NLGN1: variants seen among roughly 807,000 people sequenced by gnomAD.
NLGN1 encodes neuroligin-1.
In NLGN1, 12 loss-of-function variants were observed where a neutral mutation model predicts 65.5. The observed-to-expected ratio is 0.18, with a 90% confidence interval of 0.12 to 0.30. NLGN1 has a LOEUF of 0.30. NLGN1 is among the 10% of genes least tolerant of loss of function. The pLI, the probability that NLGN1 is intolerant of heterozygous loss-of-function variation, is 1.00. For synonymous variants in NLGN1, 350 were observed against 359.5 expected, an observed-to-expected ratio of 0.97 and a Z score of 0.30; for missense variants, 750 against 1,007.1, an observed-to-expected ratio of 0.74 and a Z score of 3.46.
At chr3:173,458,912 T>C (rs1465088191) in intron 2 of NLGN1, among the ~76,000 whole-genome samples, 1 of 152,018 alleles carries the variant, frequency 6.6e-6, no homozygotes, top group African/African-American at 2.4e-5. Flanking sequence ...CTATTTCACA[T>C]TTCACTAAGG....
intron 4 of NLGN1, among the ~76,000 whole-genome samples, chr3:173,911,561 G>C (rs1739605415): frequency 1.3e-5 from 2 of 152,134 alleles, no homozygotes; most frequent in South Asian, 4.1e-4. Flanking sequence ...GACACCTTCT[G>C]GGGCATGTAG....
At chr3:173,924,376 C>T (rs1742624293) in intron 4 of NLGN1, among the ~76,000 whole-genome samples, 2 of 151,712 alleles carry the variant, frequency 1.3e-5, no homozygotes. Context: ...AAATAAAAGT[C>T]CAAAGACAGA....
intron 2 of NLGN1, among the ~76,000 whole-genome samples, chr3:173,539,480 T>C (rs998042189): frequency 6.9e-6 from 1 of 145,074 alleles, no homozygotes; most frequent in Non-Finnish European, 1.5e-5. Flanking sequence ...TATACGCATA[T>C]GCATGTATAT....
At chr3:174,030,125 T>A (rs1729664705) in intron 4 of NLGN1, among the ~76,000 whole-genome samples, 1 of 93,464 alleles carries the variant, frequency 1.1e-5, no homozygotes, top group African/African-American at 4.8e-5. Context: ...AAGTTAGCTT[T>A]TTTTTTTTTT....
chr3:174,122,912 G>T (rs1023652743), intron 4 of NLGN1, among the ~76,000 whole-genome samples: 9 of 151,696 alleles, frequency 5.9e-5, no homozygotes, highest in African/African-American at 2.2e-4. Flanking sequence ...AAAATAAAAT[G>T]TAATAATAAA....
intron 3 of NLGN1, among the ~76,000 whole-genome samples, chr3:173,671,087 T>G (rs1762383092): frequency 6.6e-6 from 1 of 152,202 alleles, no homozygotes; most frequent in Non-Finnish European, 1.5e-5. Context: ...TATATACTAT[T>G]CACTCTTAAA....
chr3:173,938,114 G>A (rs114725244), intron 4 of NLGN1, among the ~76,000 whole-genome samples: 166 of 152,174 alleles, frequency 1.1e-3, no homozygotes, highest in African/African-American at 3.9e-3. Context: ...TTTCTTCAAG[G>A]AGCTCACTTT....
intron 3 of NLGN1, among the ~76,000 whole-genome samples, chr3:173,741,313 C>A (rs949928602): frequency 3.3e-5 from 5 of 151,998 alleles, no homozygotes; most frequent in African/African-American, 1.2e-4. Flanking sequence ...CCAGGGCCAT[C>A]ATAGAAAAAT....
intron 2 of NLGN1, among the ~76,000 whole-genome samples, chr3:173,464,663 G>A (rs1271710316): frequency 6.6e-6 from 1 of 152,062 alleles, no homozygotes; most frequent in African/African-American, 2.4e-5. Flanking sequence ...TCGAACTCCC[G>A]ACCTTAGGTG....
At chr3:173,788,833 TAAAAAAAAAA>T (rs3979635) in intron 3 of NLGN1, among the ~76,000 whole-genome samples, 6 of 53,488 alleles carry the variant, frequency 1.1e-4, no homozygotes, top group African/African-American at 3.4e-4. Flanking sequence ...AGACCTCATT[TAAAAAAAAAA>T]AAAAAAAAAA....
At chr3:174,076,679 TAGAG>T (rs3979619) in intron 4 of NLGN1, among the ~76,000 whole-genome samples, 8,847 of 92,186 alleles carry the variant, frequency 0.096, 288 homozygotes, top group East Asian at 0.16. Context: ...TCTGGGACCA[TAGAG>T]AGAGAGAGAG....
At chr3:174,194,863 T>TC (rs1733112886) in intron 4 of NLGN1, among the ~76,000 whole-genome samples, 1 of 39,076 alleles carries the variant, frequency 2.6e-5, no homozygotes, top group Non-Finnish European at 7.6e-5. Context: ...TTCTTTTTTC[T>TC]TTTTTCTTTT....
chr3:173,646,427 T>C (rs755438626), intron 3 of NLGN1, among the ~76,000 whole-genome samples: 1 of 152,210 alleles, frequency 6.6e-6, no homozygotes, highest in Non-Finnish European at 1.5e-5. Context: ...TATAGTCCTG[T>C]GTGTGTGTCA....
chr3:173,923,895 C>T (rs552074398), intron 4 of NLGN1, among the ~76,000 whole-genome samples: 2 of 152,030 alleles, frequency 1.3e-5, no homozygotes, highest in Non-Finnish European at 2.9e-5. Context: ...TGGCATATAA[C>T]TTGGAAAAAG....
At chr3:173,435,461 C>T (rs897656193) in intron 2 of NLGN1, among the ~76,000 whole-genome samples, 10 of 152,044 alleles carry the variant, frequency 6.6e-5, no homozygotes, top group Non-Finnish European at 1.0e-4. Context: ...TATACATACA[C>T]ACACATATAT....
intron 2 of NLGN1, among the ~76,000 whole-genome samples, chr3:173,448,640 C>G (rs1720854696): frequency 6.6e-6 from 1 of 152,156 alleles, no homozygotes. Context: ...AGGAATGGTA[C>G]CAGCTCCTCT....
chr3:174,069,974 G>T (rs536276792), intron 4 of NLGN1, among the ~76,000 whole-genome samples: 1 of 152,162 alleles, frequency 6.6e-6, no homozygotes, highest in South Asian at 2.1e-4. Flanking sequence ...TAGTTTGATT[G>T]TAAGGATTAA....
intron 4 of NLGN1, among the ~76,000 whole-genome samples, chr3:174,265,435 C>G (rs1171597639): frequency 1.3e-5 from 2 of 152,066 alleles, no homozygotes; most frequent in African/African-American, 4.8e-5. Context: ...TGGGAGTGAC[C>G]CGATTTTCCA....
chr3:173,762,280 A>G (rs79005217), intron 3 of NLGN1, among the ~76,000 whole-genome samples: 1 of 152,172 alleles, frequency 6.6e-6, no homozygotes, highest in African/African-American at 2.4e-5. Context: ...GCCTTCTCCA[A>G]TAATGAAGTA....
Sources: gnomAD v4.1 joint callset for allele counts (sites outside exome capture counted in the v4.1 genomes callset) on GRCh38, gnomAD v4.1.1 for gene constraint, MANE v1.5 for transcripts, NCBI Gene and HGNC (gene_info 2026-07-23, HGNC 2026-07-21) for gene names.